The following BLTP3B variants were observed in gnomAD, a reference collection of about 807,000 sequenced individuals.
BLTP3B encodes bridge-like lipid transfer protein family member 3B, also known as UHRF1 (ICBP90) binding protein 1-like.
chr12:100,044,382 G>C, the BLTP3B span, among the ~76,000 whole-genome samples: 1 of 152,062 alleles, frequency 6.6e-6, no homozygotes, highest in Non-Finnish European at 1.5e-5. Flanking sequence ...TTCTTCAGTT[G>C]ACACATTTTC....
chr12:100,096,804 G>C, the BLTP3B span, among the ~76,000 whole-genome samples: 2 of 152,024 alleles, frequency 1.3e-5, no homozygotes, highest in Non-Finnish European at 1.5e-5. Context: ...CTGGGCAACA[G>C]AGCAAGACCC....
chr12:100,130,121 C>G, the BLTP3B span, among the ~76,000 whole-genome samples: 1 of 152,140 alleles, frequency 6.6e-6, no homozygotes, highest in East Asian at 1.9e-4. Context: ...CTACACCCAG[C>G]TAATTGTTTT....
chr12:100,054,578 G>A, the BLTP3B span, among the ~76,000 whole-genome samples: 1 of 152,068 alleles, frequency 6.6e-6, no homozygotes, highest in Non-Finnish European at 1.5e-5. Flanking sequence ...TATTAAGGTA[G>A]GATTTTAAAT....
the BLTP3B span, among the ~76,000 whole-genome samples, chr12:100,065,434 A>T: frequency 2.0e-5 from 3 of 152,184 alleles, no homozygotes; most frequent in Non-Finnish European, 2.9e-5. Context: ...ACGGACGTGC[A>T]AGTAGTGAAG....
chr12:100,068,329 C>T, the BLTP3B span, among the ~76,000 whole-genome samples: 53 of 152,298 alleles, frequency 3.5e-4, no homozygotes, highest in African/African-American at 1.2e-3. Flanking sequence ...TCTTCTCTCA[C>T]TTTACACAAA....
the BLTP3B span, among the ~76,000 whole-genome samples, chr12:100,107,441 T>C: frequency 6.7e-6 from 1 of 150,360 alleles, no homozygotes; most frequent in Non-Finnish European, 1.5e-5. Flanking sequence ...TGAGACCATC[T>C]CGGCCAACAT....
the BLTP3B span, among the ~76,000 whole-genome samples, chr12:100,042,290 T>A: frequency 7.9e-5 from 12 of 152,204 alleles, no homozygotes; most frequent in Admixed American, 7.8e-4. Flanking sequence ...TTAAAATTCA[T>A]ATGGAATTGC....
chr12:100,139,668 A>T, the BLTP3B span, among the ~76,000 whole-genome samples: 1 of 152,214 alleles, frequency 6.6e-6, no homozygotes, highest in African/African-American at 2.4e-5. Flanking sequence ...AAAAAAAGCA[A>T]TGTAAGAGAA....
At chr12:100,055,191 G>A in the BLTP3B span, among the ~76,000 whole-genome samples, 1 of 152,052 alleles carries the variant, frequency 6.6e-6, no homozygotes. Flanking sequence ...TTTGAAGTCT[G>A]ACTAACTGGG....
At chr12:100,058,084 T>C in the BLTP3B span, 25 of 1,606,690 alleles carry the variant, frequency 1.6e-5, no homozygotes, top group African/African-American at 3.2e-4. Context: ...TCTTTACTGA[T>C]ATCCAGGTTT....
the BLTP3B span, among the ~76,000 whole-genome samples, chr12:100,089,547 G>A: frequency 9.2e-5 from 14 of 152,044 alleles, no homozygotes; most frequent in South Asian, 4.2e-4. Flanking sequence ...GTAACAGAGC[G>A]AGACTCCATC....
the BLTP3B span, chr12:100,057,736 T>C: frequency 6.8e-6 from 11 of 1,606,570 alleles, no homozygotes; most frequent in Admixed American, 1.7e-5. Context: ...CAACGTTCCT[T>C]AGGCTTTCCA....
At chr12:100,134,819 A>T in the BLTP3B span, among the ~76,000 whole-genome samples, 7 of 152,066 alleles carry the variant, frequency 4.6e-5, no homozygotes, top group African/African-American at 1.7e-4. Context: ...CTTCTCTATC[A>T]ATCCACATCT....
At chr12:100,039,695 T>C in the BLTP3B span, 30 of 1,613,980 alleles carry the variant, frequency 1.9e-5, no homozygotes, top group African/African-American at 3.5e-4. Context: ...TGACACTGCG[T>C]TGTTTCTTCA....
At chr12:100,136,366 A>G in the BLTP3B span, among the ~76,000 whole-genome samples, 180 of 152,138 alleles carry the variant, frequency 1.2e-3, no homozygotes, top group Non-Finnish European at 2.2e-3. Context: ...ATCACCCGCA[A>G]TGCCAGACAA....
At chr12:100,047,359 G>A in the BLTP3B span, among the ~76,000 whole-genome samples, 3 of 152,096 alleles carry the variant, frequency 2.0e-5, no homozygotes, top group African/African-American at 4.8e-5. Context: ...TTAACTGGGC[G>A]TGTTGACAGG....
At chr12:100,086,145 G>A in the BLTP3B span, 4 of 509,724 alleles carry the variant, frequency 7.8e-6, no homozygotes, top group Admixed American at 4.0e-5. Flanking sequence ...AATACTGCCA[G>A]GAGAAAAATA....
At chr12:100,048,728 A>AGG in the BLTP3B span, among the ~76,000 whole-genome samples, 146 of 100,514 alleles carry the variant, frequency 1.5e-3, 3 homozygotes, top group African/African-American at 4.6e-3. Flanking sequence ...AATTATAGTA[A>AGG]GGGGGGGGAG....
At chr12:100,134,616 CA>C in the BLTP3B span, among the ~76,000 whole-genome samples, 50,288 of 139,030 alleles carry the variant, frequency 0.36, 10,965 homozygotes, top group African/African-American at 0.64. Flanking sequence ...GACTCTGTCT[CA>C]AAAAAAAAAA....
Sources: gnomAD v4.1 joint callset for allele counts (sites outside exome capture counted in the v4.1 genomes callset) on GRCh38, gnomAD v4.1.1 for gene constraint, MANE v1.5 for transcripts, NCBI Gene and HGNC (gene_info 2026-07-23, HGNC 2026-07-21) for gene names.